Variants in PLCXD2 observed in about 807,000 individuals in gnomAD.
PLCXD2 encodes the protein phosphatidylinositol specific phospholipase C X domain containing 2.
Under a neutral mutation model 28.6 loss-of-function variants are expected in PLCXD2, and 21 were observed. The ratio of observed to expected loss-of-function variants is 0.73; its 90% CI spans 0.52 to 1.06. The LOEUF (loss-of-function observed/expected upper bound fraction) is 1.06. PLCXD2 is among the 50% of genes least tolerant of loss of function. PLCXD2 has a pLI of 0.00. For synonymous variants in PLCXD2, 140 were observed against 150.1 expected (o/e 0.93, Z 0.49); for missense variants, 369 against 376.7 (o/e 0.98, Z 0.17).
intron 1 of PLCXD2, 28 bp downstream of exon 1, chr3:111,675,436 C>T (rs1242816420): frequency 6.8e-6 from 11 of 1,612,928 alleles, no homozygotes; most frequent in Non-Finnish European, 8.5e-6. Flanking sequence ...CTTGTTCCCA[C>T]TGTGTTTAAT....
chr3:111,678,772 G>A (rs547227070), intron 1 of PLCXD2, among the ~76,000 whole-genome samples: 170 of 152,244 alleles, frequency 1.1e-3, no homozygotes, highest in Middle Eastern at 3.4e-3. Flanking sequence ...ATTAATTTGA[G>A]GGTTTTTTTG....
rs1047655831 is a variant in PLCXD2, at chr3:111,674,981, C to A, written c.-265C>A. 2.3e-6 allele frequency: 1 copy of A among 432,024 alleles called. No individual in the cohort carries two copies. Among genetic ancestry groups the A allele is most frequent in the Non-Finnish European group, 4.1e-6 (1 of 243,810 alleles). 26.8% of individuals were successfully genotyped at this position (432,024 alleles called of 1,614,324 possible). On this transcript the variant is annotated 5_prime_UTR_variant, in exon 1 of 5. Transcript: ENST00000477665. Reference sequence around the variant, plus strand: ...TTATCTCTAGGGGCCTACCTTCCCCCATCTCCAGAGGGGAACATAAGAAGT... The same window carrying A: ...TTATCTCTAGGGGCCTACCTTCCCCAATCTCCAGAGGGGAACATAAGAAGT...
chr3:111,708,268 A>T lies in PLCXD2; in HGVS notation c.506A>T (p.Asp169Val), dbSNP rs771725194. The T allele has an allele frequency of 6.2e-7, 1 of 1,614,154 alleles. No individual in the cohort carries two copies. Among genetic ancestry groups the T allele is most frequent in the East Asian group, 2.2e-5 (1 of 44,864 alleles). Residue 169 changes from aspartate (D) to valine (V), a missense_variant, in exon 2 of 5, where the codon GAT becomes GTT. Transcript: ENST00000477665. Reference sequence around the variant, plus strand: ...GATTTCAACCACTTCTATGCCATGGATGAGACCCATCACAAATGCCTGGTT... The same window carrying T: ...GATTTCAACCACTTCTATGCCATGGTTGAGACCCATCACAAATGCCTGGTT...
intron 1 of PLCXD2, among the ~76,000 whole-genome samples, chr3:111,704,222 G>A (rs1037110690): frequency 2.6e-5 from 4 of 152,222 alleles, no homozygotes; most frequent in African/African-American, 9.6e-5. Flanking sequence ...TTAAGAACAA[G>A]GTTAGTAGTG....
intron 1 of PLCXD2, among the ~76,000 whole-genome samples, chr3:111,679,135 C>A (rs1266761115): frequency 6.6e-6 from 1 of 152,054 alleles, no homozygotes; most frequent in Non-Finnish European, 1.5e-5. Context: ...TAACATGTTA[C>A]AGAAGCACAC....
rs1347251683 is a variant in PLCXD2 at position 111,708,290 on chromosome 3, G to C, written c.528G>C (p.Leu176=). The change falls in exon 2 of 5, where the codon CTG becomes CTC. Residue 176 remains leucine (L), a synonymous_variant. Transcript: ENST00000477665. Reference sequence around the variant, plus strand: ...TGGATGAGACCCATCACAAATGCCTGGTTCTGCGGATCCAGGAGGCCTTTG... The same window carrying C: ...TGGATGAGACCCATCACAAATGCCTCGTTCTGCGGATCCAGGAGGCCTTTG... 3 of 1,614,050 alleles carry C rather than the reference G, an allele frequency of 1.9e-6. No homozygotes were observed. Among genetic ancestry groups the C allele is most frequent in the African/African-American group, 2.7e-5 (2 of 74,914 alleles).
At chr3:111,701,605 A>G (rs1417773729) in intron 1 of PLCXD2, among the ~76,000 whole-genome samples, 1 of 152,200 alleles carries the variant, frequency 6.6e-6, no homozygotes, top group Admixed American at 6.5e-5. Flanking sequence ...GCTGTATCTT[A>G]AGAAAACTAC....
intron 1 of PLCXD2, among the ~76,000 whole-genome samples, chr3:111,686,668 C>G (rs1269479459): frequency 1.3e-5 from 2 of 152,168 alleles, no homozygotes; most frequent in African/African-American, 4.8e-5. Context: ...GAGTCAAGCT[C>G]TCTACAAATG....
chr3:111,694,921 A>G (rs576673303), intron 1 of PLCXD2, among the ~76,000 whole-genome samples: 2 of 152,284 alleles, frequency 1.3e-5, no homozygotes, highest in African/African-American at 4.8e-5. Flanking sequence ...GCCTGTATGC[A>G]TATTGAGACA....
intron 1 of PLCXD2, among the ~76,000 whole-genome samples, chr3:111,692,191 A>G (rs1163504587): frequency 1.3e-5 from 2 of 152,100 alleles, no homozygotes; most frequent in East Asian, 3.9e-4. Context: ...GCAGGCACCC[A>G]CCACCACGCC....
intron 3 of PLCXD2, among the ~76,000 whole-genome samples, chr3:111,719,152 A>G (rs548959907): frequency 3.2e-4 from 48 of 152,368 alleles, no homozygotes; most frequent in Non-Finnish European, 6.5e-4. Context: ...TAAAGCTTTT[A>G]GAATAAAACA....
chr3:111,679,364 TC>T (rs1431404085), intron 1 of PLCXD2, among the ~76,000 whole-genome samples: 1 of 152,172 alleles, frequency 6.6e-6, no homozygotes, highest in Non-Finnish European at 1.5e-5. Flanking sequence ...TCCTTCCATA[TC>T]CCTGTTATAG....
At chr3:111,716,451 C>T (rs1322643495) in intron 3 of PLCXD2, among the ~76,000 whole-genome samples, 1 of 152,198 alleles carries the variant, frequency 6.6e-6, no homozygotes, top group Non-Finnish European at 1.5e-5. Context: ...GAGCTAAGAT[C>T]TTGTTCATTT....
At chr3:111,679,941 T>G (rs1363838574) in intron 1 of PLCXD2, among the ~76,000 whole-genome samples, 1 of 152,178 alleles carries the variant, frequency 6.6e-6, no homozygotes, top group African/African-American at 2.4e-5. Flanking sequence ...CCTCTTTGCT[T>G]TCTTTCCACT....
At chr3:111,721,093 A>C (rs1056921861) in intron 3 of PLCXD2, 11 of 331,828 alleles carry the variant, frequency 3.3e-5, no homozygotes, top group Non-Finnish European at 6.0e-5. Context: ...ACTTAAGTCC[A>C]AGGGAAGAAA....
At chr3:111,716,755 C>T (rs1941272490) in intron 3 of PLCXD2, among the ~76,000 whole-genome samples, 1 of 152,150 alleles carries the variant, frequency 6.6e-6, no homozygotes, top group African/African-American at 2.4e-5. Context: ...ATTGAAGTCC[C>T]AACTCTCAGT....
chr3:111,709,831 G>A (rs758578126), intron 2 of PLCXD2, among the ~76,000 whole-genome samples: 11 of 152,294 alleles, frequency 7.2e-5, no homozygotes, highest in Middle Eastern at 3.4e-3. Context: ...CTGTAAAGAC[G>A]CTAGCCTTCA....
chr3:111,723,442 T>C (rs1029608167), intron 3 of PLCXD2: 7 of 152,220 alleles, frequency 4.6e-5, no homozygotes, highest in African/African-American at 1.7e-4. Flanking sequence ...ATAAATGTCA[T>C]CAAGCATGAC....
chr3:111,697,365 C>T (rs1482548446), intron 1 of PLCXD2, among the ~76,000 whole-genome samples: 1 of 152,138 alleles, frequency 6.6e-6, no homozygotes, highest in Non-Finnish European at 1.5e-5. Context: ...AAAACAAGCA[C>T]ACTCGAGAGG....
Sources: gnomAD v4.1 joint callset for allele counts (sites outside exome capture counted in the v4.1 genomes callset) on GRCh38, gnomAD v4.1.1 for gene constraint, MANE v1.5 for transcripts, NCBI Gene and HGNC (gene_info 2026-07-23, HGNC 2026-07-21) for gene names.